UBE2G2: variants seen among roughly 807,000 people sequenced by gnomAD.
UBE2G2 encodes the protein ubiquitin-conjugating enzyme E2 G2.
In UBE2G2, 10 loss-of-function variants were observed where a neutral mutation model predicts 23.0. That is an observed-to-expected ratio of 0.43 (90% CI 0.27 to 0.74). The LOEUF (loss-of-function observed/expected upper bound fraction) is 0.74. Ranked by LOEUF, UBE2G2 falls within the 30% of genes least tolerant of loss-of-function variation. The pLI, the probability that UBE2G2 is intolerant of heterozygous loss-of-function variation, is 0.19. For synonymous variants in UBE2G2, 86 were observed against 81.3 expected (o/e 1.06, Z -0.31); for missense variants, 150 against 218.3 (o/e 0.69, Z 1.97).
intron 3 of UBE2G2, among the ~76,000 whole-genome samples, chr21:44,778,247 T>G (rs1555960847): frequency 6.6e-6 from 1 of 152,236 alleles, no homozygotes; most frequent in African/African-American, 2.4e-5. Flanking sequence ...AAGAAGCAGA[T>G]GAAGAGCACA....
At chr21:44,782,278 T>A (rs1387322043) in intron 3 of UBE2G2, among the ~76,000 whole-genome samples, 1 of 152,230 alleles carries the variant, frequency 6.6e-6, no homozygotes, top group African/African-American at 2.4e-5. Flanking sequence ...TTCAAATGTA[T>A]CATGGCATTG....
rs570480332 is a variant in UBE2G2, at chr21:44,769,838, A to C, written c.*1539T>G. 6.6e-6 allele frequency: 1 copy of C among 152,414 alleles called. No homozygotes were observed. The highest frequency in any genetic ancestry group is 2.1e-4 in the South Asian group (1 of 4,832). The allele number at this position is 152,414 out of a possible 1,614,324, so 9.4% of individuals were successfully genotyped here. A position where few individuals can be genotyped will look rare whatever the true frequency, so the allele number is the denominator to read the frequency against. ...TATGGAAGGGAGGGAGAAAAGGATC[A>C]CATCAAATCTACTGTATGCCTCATA... On this transcript the variant is annotated 3_prime_UTR_variant, in exon 6 of 6. Coordinates refer to ENST00000345496, the MANE Select transcript of UBE2G2 (RefSeq NM_003343.6).
At position 44,777,944 on chromosome 21, in the gene UBE2G2, A is replaced by G. The variant is rs912243447; in HGVS notation, c.126-527T>C. 2.6e-5 allele frequency among the ~76,000 whole-genome samples: 4 copies of G among 152,224 alleles called. No homozygotes were observed. In the South Asian group the frequency reaches 8.3e-4, roughly 31 times the overall value. On this transcript the variant is annotated intron_variant, in intron 3 of 5. Coordinates refer to ENST00000345496, the MANE Select transcript of UBE2G2 (RefSeq NM_003343.6). The stretch of plus-strand genomic sequence containing the variant: ...TTTCAATCTGGTCTAAATCTTAGGT[A>G]CAAGTACAAAGACTGAATTCCAGGC...
At chr21:44,792,388 C>T (rs2146402436) in intron 1 of UBE2G2, among the ~76,000 whole-genome samples, 1 of 152,098 alleles carries the variant, frequency 6.6e-6, no homozygotes, top group African/African-American at 2.4e-5. Flanking sequence ...AGCGAGGAAC[C>T]TGGTAGGAGG....
At chr21:44,782,555 G>A (rs1555961454) in intron 3 of UBE2G2, among the ~76,000 whole-genome samples, 2 of 152,234 alleles carry the variant, frequency 1.3e-5, no homozygotes, top group Non-Finnish European at 2.9e-5. Context: ...TGAAGCTCCA[G>A]TAATCAAGAC....
intron 1 of UBE2G2, among the ~76,000 whole-genome samples, chr21:44,796,571 TATTA>T (rs1233954579): frequency 3.3e-5 from 5 of 152,210 alleles, no homozygotes. Flanking sequence ...TTTATCACAT[TATTA>T]AGATACAGGA....
chr21:44,788,840 TG>T (rs2083021037), intron 1 of UBE2G2, among the ~76,000 whole-genome samples: 1 of 149,110 alleles, frequency 6.7e-6, no homozygotes, highest in South Asian at 2.1e-4. Context: ...AACCAAAAGG[TG>T]GTTCTTTGAA....
At chr21:44,774,627 G>A (rs1335495700) in intron 4 of UBE2G2, 2 of 420,846 alleles carry the variant, frequency 4.8e-6, no homozygotes, top group Non-Finnish European at 9.5e-6. Context: ...CATTGTTTCA[G>A]TGGTGAACGT....
chr21:44,797,739 AAAG>A (rs2146408531), intron 1 of UBE2G2, among the ~76,000 whole-genome samples: 1 of 136,904 alleles, frequency 7.3e-6, no homozygotes, highest in African/African-American at 2.7e-5. Context: ...AAAAAAAAAA[AAAG>A]AGAAAATACC....
intron 1 of UBE2G2, chr21:44,801,491 T>TTAC: frequency 9.2e-7 from 1 of 1,092,254 alleles, no homozygotes; most frequent in Non-Finnish European, 1.2e-6. Flanking sequence ...GGCGCTGCCT[T>TTAC]TACTGATGCT....
intron 1 of UBE2G2, among the ~76,000 whole-genome samples, chr21:44,794,801 G>A (rs1555963443): frequency 6.6e-6 from 1 of 152,100 alleles, no homozygotes; most frequent in African/African-American, 2.4e-5. Context: ...ACAAAGTGCT[G>A]GGATTACAGG....
intron 3 of UBE2G2, among the ~76,000 whole-genome samples, chr21:44,778,574 T>C (rs1479398000): frequency 5.9e-5 from 9 of 152,254 alleles, no homozygotes; most frequent in Admixed American, 5.9e-4. Flanking sequence ...ACTATGCCTG[T>C]ACCTTCACAC....
intron 3 of UBE2G2, 104 bp downstream of exon 3, chr21:44,787,815 CT>C: frequency 7.4e-7 from 1 of 1,352,442 alleles, no homozygotes; most frequent in East Asian, 2.4e-5. Context: ...AGAACTCAGT[CT>C]TTTTTCCAGC....
intron 3 of UBE2G2, 29 bp from the exon 4 acceptor site, chr21:44,777,446 CT>C (rs1953318895): frequency 6.2e-7 from 1 of 1,600,462 alleles, no homozygotes; most frequent in African/African-American, 1.3e-5. Context: ...GTAGACTGAA[CT>C]TCAAAGTACA....
intron 1 of UBE2G2, chr21:44,800,390 A>C (rs2146411501): frequency 1.4e-5 from 2 of 147,950 alleles, no homozygotes; most frequent in East Asian, 3.9e-4. Context: ...TTTGAAAAAA[A>C]TAACAATAAA....
At chr21:44,783,235 C>T (rs1293582221) in intron 3 of UBE2G2, among the ~76,000 whole-genome samples, 2 of 152,182 alleles carry the variant, frequency 1.3e-5, no homozygotes, top group African/African-American at 4.8e-5. Context: ...ACTTTACACC[C>T]ACAAGAACAG....
intron 1 of UBE2G2, among the ~76,000 whole-genome samples, chr21:44,797,961 C>T (rs1287535737): frequency 9.9e-5 from 15 of 151,998 alleles, no homozygotes; most frequent in African/African-American, 3.4e-4. Flanking sequence ...GAGTCACTTT[C>T]GCCAAACCCT....
chr21:44,789,504 T>C (rs1555962668), intron 1 of UBE2G2, among the ~76,000 whole-genome samples: 1 of 150,700 alleles, frequency 6.6e-6, no homozygotes, highest in Non-Finnish European at 1.5e-5. Context: ...AATTGAACAA[T>C]GGGGCACAAG....
chr21:44,788,181 G>A (rs111812891), intron 1 of UBE2G2, 86 bp from the exon 2 acceptor site: 3 of 1,302,076 alleles, frequency 2.3e-6, no homozygotes, highest in Non-Finnish European at 2.1e-6. Context: ...AAATATATAA[G>A]CCTATAAACC....
Sources: gnomAD v4.1 joint callset for allele counts (sites outside exome capture counted in the v4.1 genomes callset) on GRCh38, gnomAD v4.1.1 for gene constraint, MANE v1.5 for transcripts, NCBI Gene and HGNC (gene_info 2026-07-23, HGNC 2026-07-21) for gene names.